TENM3: variants seen among roughly 807,000 people sequenced by gnomAD.
The protein encoded by TENM3 is teneurin-3.
A neutral mutation model predicts 255.1 loss-of-function variants in TENM3; 63 were observed. The ratio of observed to expected loss-of-function variants is 0.25; its 90% CI spans 0.20 to 0.30. The LOEUF (loss-of-function observed/expected upper bound fraction) is 0.30. Among genes scored for constraint, TENM3 ranks in the 10% least tolerant of loss-of-function variants. The probability of loss-of-function intolerance (pLI) is 1.00; values close to 1 mark genes in which losing one functional copy is unlikely to be tolerated. For synonymous variants in TENM3, 1,306 were observed against 1,322.3 expected (o/e 0.99, Z 0.27); for missense variants, 2,929 against 3,461.1 (o/e 0.85, Z 3.86).
At chr4:181,763,838 T>G in the TENM3 span, among the ~76,000 whole-genome samples, 1 of 152,256 alleles carries the variant, frequency 6.6e-6, no homozygotes, top group Non-Finnish European at 1.5e-5. Context: ...ATACTTAATT[T>G]GTGAACTTTA....
intron 7 of TENM3, among the ~76,000 whole-genome samples, chr4:182,677,291 G>C (rs1310753588): frequency 1.3e-5 from 2 of 151,968 alleles, no homozygotes; most frequent in East Asian, 3.9e-4. Flanking sequence ...CACTACCCTG[G>C]CCTTATTTTA....
At chr4:182,132,119 C>G in the TENM3 span, among the ~76,000 whole-genome samples, 2 of 152,144 alleles carry the variant, frequency 1.3e-5, no homozygotes, top group African/African-American at 4.8e-5. Flanking sequence ...AGCCTTCAAC[C>G]ATCATTCAAA....
At chr4:181,658,637 C>T in the TENM3 span, among the ~76,000 whole-genome samples, 8 of 152,246 alleles carry the variant, frequency 5.3e-5, no homozygotes, top group South Asian at 1.7e-3. Flanking sequence ...CTCTAGCTTC[C>T]GTAGCACGAT....
the TENM3 span, among the ~76,000 whole-genome samples, chr4:181,977,588 C>T: frequency 1.3e-5 from 2 of 152,096 alleles, no homozygotes; most frequent in Non-Finnish European, 2.9e-5. Flanking sequence ...GACAAGTTGT[C>T]ATATAAATGT....
At chr4:181,775,774 T>G in the TENM3 span, among the ~76,000 whole-genome samples, 1 of 152,272 alleles carries the variant, frequency 6.6e-6, no homozygotes. Context: ...GCATTATTTA[T>G]TTAGGTATTA....
chr4:182,053,614 C>T, the TENM3 span, among the ~76,000 whole-genome samples: 1 of 152,170 alleles, frequency 6.6e-6, no homozygotes, highest in African/African-American at 2.4e-5. Flanking sequence ...TGAGCTTTGC[C>T]TGAGTCCTTT....
chr4:182,308,431 C>T (rs780692412), intron 1 of TENM3, among the ~76,000 whole-genome samples: 1 of 152,016 alleles, frequency 6.6e-6, no homozygotes, highest in Non-Finnish European at 1.5e-5. Flanking sequence ...ATCCTTCCAC[C>T]CCAGCCTTCT....
intron 1 of TENM3, among the ~76,000 whole-genome samples, chr4:182,266,188 T>C (rs1405647622): frequency 6.6e-6 from 1 of 152,218 alleles, no homozygotes; most frequent in Non-Finnish European, 1.5e-5. Flanking sequence ...TCACCAAAAA[T>C]AGAAGTTGCT....
the TENM3 span, among the ~76,000 whole-genome samples, chr4:181,818,053 C>T: frequency 6.6e-6 from 1 of 152,158 alleles, no homozygotes; most frequent in Non-Finnish European, 1.5e-5. Flanking sequence ...TTGTCCTTGA[C>T]TCAAAGACTT....
chr4:181,949,484 A>G, the TENM3 span, among the ~76,000 whole-genome samples: 1 of 152,090 alleles, frequency 6.6e-6, no homozygotes, highest in Non-Finnish European at 1.5e-5. Flanking sequence ...TGCAAATCCT[A>G]TTATTTTCCT....
the TENM3 span, among the ~76,000 whole-genome samples, chr4:182,086,061 T>A: frequency 6.6e-6 from 1 of 152,218 alleles, no homozygotes; most frequent in South Asian, 2.1e-4. Flanking sequence ...TGAAAAGGGC[T>A]GACACTAAAA....
At chr4:182,209,781 G>A (rs1468822510) in intron 1 of TENM3, among the ~76,000 whole-genome samples, 1 of 151,994 alleles carries the variant, frequency 6.6e-6, no homozygotes, top group Admixed American at 6.6e-5. Context: ...GAAGGTGCAC[G>A]AACATAGCAG....
intron 1 of TENM3, among the ~76,000 whole-genome samples, chr4:182,284,312 G>C (rs1325427404): frequency 1.3e-5 from 2 of 152,144 alleles, no homozygotes; most frequent in East Asian, 3.9e-4. Flanking sequence ...AGATTTTCCA[G>C]ATGACCCCAG....
the TENM3 span, among the ~76,000 whole-genome samples, chr4:182,121,595 A>AT: frequency 6.6e-6 from 1 of 152,242 alleles, no homozygotes; most frequent in South Asian, 2.1e-4. Context: ...TTATGTTTAC[A>AT]CTATACTATT....
the TENM3 span, among the ~76,000 whole-genome samples, chr4:181,725,130 T>C: frequency 6.6e-6 from 1 of 152,202 alleles, no homozygotes; most frequent in Non-Finnish European, 1.5e-5. Context: ...GCTTTCCCAA[T>C]GTTTAGCTTA....
the TENM3 span, among the ~76,000 whole-genome samples, chr4:181,694,450 G>A: frequency 3.9e-5 from 6 of 152,296 alleles, no homozygotes; most frequent in South Asian, 2.1e-4. Context: ...TAACAGGCTC[G>A]TTGTGTACAT....
the TENM3 span, among the ~76,000 whole-genome samples, chr4:181,477,780 CACTGATGA>C: frequency 6.6e-6 from 1 of 152,146 alleles, no homozygotes; most frequent in African/African-American, 2.4e-5. Flanking sequence ...GATTCATTGT[CACTGATGA>C]TGCTTCCAAT....
intron 14 of TENM3, 114 bp downstream of exon 14, chr4:182,729,295 GT>G: frequency 1.1e-6 from 1 of 894,340 alleles, no homozygotes; most frequent in Admixed American, 2.7e-5. Context: ...TTTAAATACA[GT>G]TTTTCCTCTT....
At chr4:182,105,448 G>A in the TENM3 span, among the ~76,000 whole-genome samples, 2 of 152,232 alleles carry the variant, frequency 1.3e-5, no homozygotes, top group East Asian at 1.9e-4. Flanking sequence ...AGGGATTCCC[G>A]AAACCATCAT....
Sources: allele counts gnomAD v4.1 joint callset (sites outside exome capture counted in the v4.1 genomes callset), GRCh38; gene constraint gnomAD v4.1.1; transcripts MANE v1.5; gene names NCBI Gene and HGNC (gene_info 2026-07-23, HGNC 2026-07-21).